The following RYR2 variants were observed in gnomAD, a reference collection of about 807,000 sequenced individuals.
The protein encoded by RYR2 is ryanodine receptor 2.
Under a neutral mutation model 601.1 loss-of-function variants are expected in RYR2, and 227 were observed. The ratio of observed to expected loss-of-function variants is 0.38; its 90% CI spans 0.34 to 0.42. The LOEUF (loss-of-function observed/expected upper bound fraction) is 0.42, where lower values mean the gene tolerates loss of function less well. Ranked by LOEUF, RYR2 falls within the 10% of genes least tolerant of loss-of-function variation. The probability of loss-of-function intolerance (pLI) is 1.00; values close to 1 mark genes in which losing one functional copy is unlikely to be tolerated. For synonymous variants in RYR2, 2,223 were observed against 2,175.1 expected (o/e 1.02, Z -0.61); for missense variants, 4,646 against 6,156.5 (o/e 0.75, Z 8.21).
intron 27 of RYR2, among the ~76,000 whole-genome samples, chr1:237,557,288 TTC>T (rs1671005833): frequency 2.0e-5 from 3 of 152,320 alleles, no homozygotes; most frequent in East Asian, 3.9e-4. Flanking sequence ...TTCTATTATA[TTC>T]TGTTTGTTAG....
At chr1:237,270,247 GA>G in intron 1 of RYR2, 1 of 622,010 alleles carries the variant, frequency 1.6e-6, no homozygotes, top group Non-Finnish European at 3.0e-6. Context: ...AGTACAGTCA[GA>G]AAACTACTGA....
At chr1:237,641,306 C>A (rs1210338405) in intron 47 of RYR2, among the ~76,000 whole-genome samples, 7 of 152,228 alleles carry the variant, frequency 4.6e-5, no homozygotes. Context: ...ATGCAATTTC[C>A]TCTTATGTTA....
chr1:237,825,430 A>G (rs970034228), intron 101 of RYR2, among the ~76,000 whole-genome samples: 1 of 152,210 alleles, frequency 6.6e-6, no homozygotes, highest in African/African-American at 2.4e-5. Flanking sequence ...TTCCCTATTT[A>G]ATAAATTGTG....
intron 101 of RYR2, among the ~76,000 whole-genome samples, chr1:237,827,891 T>G (rs553696787): frequency 2.8e-4 from 39 of 137,340 alleles, no homozygotes; most frequent in African/African-American, 8.9e-4. Context: ...GAGCCGAGAT[T>G]GTGCCACTGC....
chr1:237,179,826 G>A (rs192609483), intron 1 of RYR2, among the ~76,000 whole-genome samples: 12 of 152,164 alleles, frequency 7.9e-5, no homozygotes, highest in East Asian at 7.7e-4. Flanking sequence ...GGAATCTGCC[G>A]GGCTGAGTCT....
intron 1 of RYR2, among the ~76,000 whole-genome samples, chr1:237,167,669 A>G (rs1327238694): frequency 6.9e-6 from 1 of 144,316 alleles, no homozygotes; most frequent in Admixed American, 6.9e-5. Flanking sequence ...GTAATGTGAT[A>G]TTATATGAAA....
chr1:237,594,885 G>GGTTTTTTTTTTTGTTTTTTGTTTTT (rs1675638353), intron 33 of RYR2, among the ~76,000 whole-genome samples: 2 of 79,048 alleles, frequency 2.5e-5, no homozygotes, highest in African/African-American at 1.4e-4. Context: ...AATATCACTG[G>GGTTTTTTTTTTTGTTTTTTGTTTTT]GTTTTTTTTT....
intron 16 of RYR2, among the ~76,000 whole-genome samples, chr1:237,465,569 C>A (rs1440556616): frequency 6.6e-6 from 1 of 152,162 alleles, no homozygotes; most frequent in Admixed American, 6.5e-5. Context: ...ACACAAACCT[C>A]CGTGTTATAG....
At chr1:237,387,055 A>C (rs1244736459) in intron 8 of RYR2, among the ~76,000 whole-genome samples, 4 of 152,250 alleles carry the variant, frequency 2.6e-5, no homozygotes, top group Admixed American at 2.6e-4. Flanking sequence ...TATTTTGATT[A>C]TTGACTTAAG....
chr1:237,519,772 G>A (rs1175232147), intron 24 of RYR2, among the ~76,000 whole-genome samples: 2 of 151,958 alleles, frequency 1.3e-5, no homozygotes, highest in South Asian at 2.1e-4. Context: ...ACTCTTTCTT[G>A]TTCCATTTGA....
chr1:237,061,137 A>G (rs1325711521), intron 1 of RYR2, among the ~76,000 whole-genome samples: 1 of 152,166 alleles, frequency 6.6e-6, no homozygotes, highest in Non-Finnish European at 1.5e-5. Context: ...TGTATCTTTA[A>G]TGTCCATTTG....
chr1:237,655,801 TGG>T lies in RYR2; in HGVS notation c.7966-19_7966-18del. ...TTTGCCATATAGTAATTTTTTTTTT[TGG>T]TCCTCCATTTTTCCCAGAAATATGA... On this transcript the variant is annotated intron_variant, in intron 52 of 104. Coordinates refer to ENST00000366574, the MANE Select transcript of RYR2 (RefSeq NM_001035.3). The T allele has an allele frequency of 1.3e-6, 2 of 1,560,934 alleles. No individual in the cohort carries two copies. The highest frequency in any genetic ancestry group is 2.4e-5 in the South Asian group (2 of 81,976).
chr1:237,692,487 T>C (rs1475013159), intron 63 of RYR2, among the ~76,000 whole-genome samples: 1 of 152,164 alleles, frequency 6.6e-6, no homozygotes, highest in African/African-American at 2.4e-5. Context: ...GAAAGCACGT[T>C]TCTTAACCTA....
intron 1 of RYR2, among the ~76,000 whole-genome samples, chr1:237,102,984 T>A (rs1668286389): frequency 6.6e-6 from 1 of 152,182 alleles, no homozygotes; most frequent in Non-Finnish European, 1.5e-5. Flanking sequence ...GTGCAACAAA[T>A]CTCCGAACAG....
chr1:237,322,866 A>T (rs201131517), intron 2 of RYR2, among the ~76,000 whole-genome samples: 291 of 149,478 alleles, frequency 1.9e-3, no homozygotes, highest in East Asian at 0.015. Flanking sequence ...TTTTTTTTTA[A>T]AAAAAAAAAC....
At chr1:237,741,178 G>A (rs1246686945) in intron 79 of RYR2, among the ~76,000 whole-genome samples, 2 of 152,016 alleles carry the variant, frequency 1.3e-5, no homozygotes, top group African/African-American at 4.8e-5. Context: ...TAAACAGAAA[G>A]CGTGGTGCTA....
At position 237,819,077 on chromosome 1, in the gene RYR2, A is replaced by G; in HGVS notation, c.14475A>G (p.Gly4825=). The G allele has an allele frequency of 6.2e-7, 1 of 1,613,838 alleles. No homozygotes were observed. Among genetic ancestry groups the G allele is most frequent in the Non-Finnish European group, 8.5e-7 (1 of 1,179,828 alleles). The part of the protein sequence containing the change: ...FHMYVGVRAG[G]GIGDEIEDPA... The stretch of plus-strand genomic sequence containing the variant: ...TGTATGTTGGAGTTCGTGCTGGAGG[A>G]GGGATCGGGGATGAAATCGAAGACC... The change falls in exon 101 of 105, where the codon GGA becomes GGG. Residue 4825 remains glycine, a synonymous_variant. Transcript: ENST00000366574. The surrounding 1 kb of genome is among the most constrained non-coding windows in gnomAD (Gnocchi z 4.0).
intron 17 of RYR2, among the ~76,000 whole-genome samples, chr1:237,477,432 TTGCAC>T (rs145380300): frequency 0.032 from 4,942 of 152,176 alleles, 271 homozygotes; most frequent in African/African-American, 0.11. Context: ...GTGATGTGAT[TTGCAC>T]TGCACATCCA....
At chr1:237,349,758 T>C (rs2149661967) in intron 3 of RYR2, among the ~76,000 whole-genome samples, 1 of 152,224 alleles carries the variant, frequency 6.6e-6, no homozygotes, top group Non-Finnish European at 1.5e-5. Context: ...TCTAGGGTAC[T>C]AACCAAAAGA....
Sources: allele counts gnomAD v4.1 joint callset (sites outside exome capture counted in the v4.1 genomes callset), GRCh38; gene constraint gnomAD v4.1.1; non-coding constraint Gnocchi (gnomAD v3.1); transcripts MANE v1.5; gene names NCBI Gene and HGNC (gene_info 2026-07-23, HGNC 2026-07-21).